Variants in ZBTB49 observed in about 807,000 individuals in gnomAD.
ZBTB49 encodes zinc finger and BTB domain-containing protein 49.
A neutral mutation model predicts 57.5 loss-of-function variants in ZBTB49; 43 were observed. The ratio of observed to expected loss-of-function variants is 0.75; its 90% CI spans 0.59 to 0.97. ZBTB49 has a LOEUF of 0.97. Among genes scored for constraint, ZBTB49 ranks in the 50% least tolerant of loss-of-function variants. The pLI, the probability that ZBTB49 is intolerant of heterozygous loss-of-function variation, is 0.00. For missense variants in ZBTB49, 938 were observed against 947.7 expected, an observed-to-expected ratio of 0.99 and a Z score of 0.13; for synonymous variants, 369 against 362.1, an observed-to-expected ratio of 1.02 and a Z score of -0.22.
intron 4 of ZBTB49, among the ~76,000 whole-genome samples, chr4:4,311,217 A>G (rs1720969422): frequency 6.6e-6 from 1 of 152,252 alleles, no homozygotes; most frequent in Non-Finnish European, 1.5e-5. Context: ...AGTAATCGTT[A>G]TGCCATTTTT....
intron 7 of ZBTB49, among the ~76,000 whole-genome samples, chr4:4,318,564 T>C (rs1399731541): frequency 6.6e-6 from 1 of 152,104 alleles, no homozygotes; most frequent in Non-Finnish European, 1.5e-5. Flanking sequence ...GCCGAGATCG[T>C]GCCACTGCAT....
chr4:4,318,894 C>CA, intron 7 of ZBTB49, among the ~76,000 whole-genome samples: 1 of 130,944 alleles, frequency 7.6e-6, no homozygotes, highest in Non-Finnish European at 1.6e-5. Flanking sequence ...TTTTTTTAAT[C>CA]TTTTTTTTTT....
rs746710584 is a variant in ZBTB49, at chr4:4,302,571, C to T, written c.735C>T (p.Thr245=). 1.2e-6 allele frequency: 2 copies of T among 1,613,910 alleles called. No homozygotes were observed. Among genetic ancestry groups the T allele is most frequent in the Non-Finnish European group, 1.7e-6 (2 of 1,179,978 alleles). ...TTGAGCAGCCTTTTGCTTTCAGCAC[C>T]TCTACAGACCTTACCACGGTAGAGA... is the stretch of plus-strand genomic sequence containing the variant. ...RVVEQPFAFS[T]STDLTTVESQ... is the part of the protein sequence containing the mutation. Residue 245 remains threonine, a synonymous_variant, in exon 3 of 8, where the codon ACC becomes ACT. Transcript: ENST00000337872.
intron 4 of ZBTB49, among the ~76,000 whole-genome samples, chr4:4,306,430 A>G (rs1290878116): frequency 6.6e-6 from 1 of 152,198 alleles, no homozygotes; most frequent in East Asian, 1.9e-4. Flanking sequence ...GATGAGTCCA[A>G]ACTTAGCATA....
intron 5 of ZBTB49, among the ~76,000 whole-genome samples, chr4:4,315,410 G>A (rs1183725680): frequency 2.6e-5 from 4 of 152,094 alleles, no homozygotes; most frequent in Non-Finnish European, 5.9e-5. Flanking sequence ...ATGAAATCAG[G>A]TAGAAAAAAA....
intron 4 of ZBTB49, among the ~76,000 whole-genome samples, chr4:4,306,622 C>G (rs1720746977): frequency 6.6e-6 from 1 of 152,174 alleles, no homozygotes; most frequent in East Asian, 1.9e-4. Context: ...TTGACTGCTA[C>G]CTTTAGCTGA....
intron 1 of ZBTB49, among the ~76,000 whole-genome samples, chr4:4,294,734 A>G (rs1235695157): frequency 6.6e-6 from 1 of 152,104 alleles, no homozygotes; most frequent in Admixed American, 6.5e-5. Context: ...ATTCCAAATA[A>G]CTTTTTCCTT....
chr4:4,313,213 C>A, intron 5 of ZBTB49, 99 bp downstream of exon 5: 1 of 1,389,088 alleles, frequency 7.2e-7, no homozygotes, highest in Non-Finnish European at 9.9e-7. Flanking sequence ...ACAGATGAGC[C>A]ACAGGTGGGC....
In ZBTB49 at chr4:4,313,799, A is replaced by G. The variant is rs189267750; in HGVS notation, c.1376+685A>G. The stretch of plus-strand genomic sequence containing the variant: ...TCCATCATCTGGTGGTTGTGCCAGG[A>G]CAACAGGCATCAGCCAGGACTATGC... On this transcript the variant is annotated intron_variant, in intron 5 of 7. Coordinates refer to ENST00000337872, the MANE Select transcript of ZBTB49 (RefSeq NM_145291.4). Among the ~76,000 whole-genome samples, 326 of 152,354 alleles carry G rather than the reference A, an allele frequency of 2.1e-3. 2 individuals are homozygous for G. Among genetic ancestry groups the G allele is most frequent in the African/African-American group, 7.4e-3 (306 of 41,586 alleles).
intron 5 of ZBTB49, among the ~76,000 whole-genome samples, chr4:4,314,616 C>T (rs1458032863): frequency 6.6e-6 from 1 of 152,250 alleles, no homozygotes; most frequent in Non-Finnish European, 1.5e-5. Flanking sequence ...AGGTGATACA[C>T]CCGCCTCTGC....
intron 4 of ZBTB49, among the ~76,000 whole-genome samples, chr4:4,308,700 C>T (rs138915120): frequency 1.3e-5 from 2 of 152,118 alleles, no homozygotes; most frequent in African/African-American, 2.4e-5. Context: ...TGCTGTGTGC[C>T]GGGAAGGGGG....
At chr4:4,309,031 C>T (rs1471837967) in intron 4 of ZBTB49, among the ~76,000 whole-genome samples, 4 of 152,206 alleles carry the variant, frequency 2.6e-5, no homozygotes, top group Admixed American at 6.5e-5. Flanking sequence ...GGCCCATCCT[C>T]CACCGTATGC....
intron 5 of ZBTB49, among the ~76,000 whole-genome samples, chr4:4,315,123 T>A (rs2108897576): frequency 6.6e-6 from 1 of 152,340 alleles, no homozygotes; most frequent in East Asian, 1.9e-4. Flanking sequence ...TGTTTGCATT[T>A]TACTTTATAG....
chr4:4,301,942 T>A, intron 2 of ZBTB49, 47 bp from the exon 3 acceptor site: 2 of 1,415,916 alleles, frequency 1.4e-6, no homozygotes, highest in African/African-American at 2.9e-5. Flanking sequence ...AAGAAAAAGA[T>A]GGTGTGAATT....
intron 1 of ZBTB49, among the ~76,000 whole-genome samples, chr4:4,297,368 C>G (rs1332347584): frequency 6.6e-6 from 1 of 152,204 alleles, no homozygotes; most frequent in South Asian, 2.1e-4. Context: ...CTGCGCCCGA[C>G]TGGGTTCAGC....
chr4:4,312,044 A>G (rs1332383470), intron 4 of ZBTB49, among the ~76,000 whole-genome samples: 2 of 152,170 alleles, frequency 1.3e-5, no homozygotes, highest in Non-Finnish European at 2.9e-5. Context: ...GCAATTTGCA[A>G]ATTAAAAAAA....
At chr4:4,305,162 T>TATTA (rs34130240) in intron 3 of ZBTB49, among the ~76,000 whole-genome samples, 125,134 of 149,848 alleles carry the variant, frequency 0.84, 52,340 homozygotes, top group African/African-American at 0.85. Context: ...ATTAATTTAT[T>TATTA]ATTAATATAA....
Position 4,320,955 on chromosome 4 carries a change from G to A in ZBTB49, c.1937G>A (p.Ser646Asn), listed in dbSNP as rs1387597961. The A allele has an allele frequency of 6.2e-7, 1 of 1,614,222 alleles. No homozygotes were observed. The highest frequency in any genetic ancestry group is 8.5e-7 in the Non-Finnish European group (1 of 1,180,052). ...PVENSVAEFD[S>N]HSGGSYCKLR... ...GAAAATTCTGTGGCAGAATTTGATA[G>A]CCACTCTGGCGGCTCCTATTGTAAG... Residue 646 changes from serine (S) to asparagine (N), a missense_variant, in exon 8 of 8, where the codon AGC (serine) becomes AAC (asparagine). Physicochemically the swap from Ser to Asn is conservative, Grantham distance 46. Around this residue, in one of 3 missense-constraint regions of ZBTB49, gnomAD observed 835 missense variants for 819.1 expected, o/e 1.02. Transcript: ENST00000337872.
intron 7 of ZBTB49, among the ~76,000 whole-genome samples, chr4:4,316,799 C>T (rs574218339): frequency 1.2e-4 from 19 of 152,312 alleles, no homozygotes; most frequent in African/African-American, 3.4e-4. Flanking sequence ...AAATTGTACA[C>T]GGATCTTCTG....
Sources: gnomAD v4.1 joint callset for allele counts (sites outside exome capture counted in the v4.1 genomes callset) on GRCh38, gnomAD v4.1.1 for gene constraint, gnomAD v4.1.1 regional missense constraint, MANE v1.5 for transcripts, NCBI Gene and HGNC (gene_info 2026-07-23, HGNC 2026-07-21) for gene names.